LSAMP: variants seen among roughly 807,000 people sequenced by gnomAD.
The protein encoded by LSAMP is limbic system-associated membrane protein.
A neutral mutation model predicts 38.6 loss-of-function variants in LSAMP; 7 were observed. The ratio of observed to expected loss-of-function variants is 0.18; its 90% confidence interval spans 0.10 to 0.34. The LOEUF (loss-of-function observed/expected upper bound fraction) is 0.34. LSAMP is among the 10% of genes least tolerant of loss of function. The probability of loss-of-function intolerance (pLI) is 1.00; values close to 1 mark genes in which losing one functional copy is unlikely to be tolerated. For synonymous variants in LSAMP, 154 were observed against 166.8 expected (o/e 0.92, Z 0.59); for missense variants, 313 against 420.0 (o/e 0.75, Z 2.23).
chr3:116,244,566 A>G (rs2046580279), intron 1 of LSAMP, among the ~76,000 whole-genome samples: 1 of 152,134 alleles, frequency 6.6e-6, no homozygotes, highest in African/African-American at 2.4e-5. Context: ...TGCTGCAGTG[A>G]GACTAACCTA....
At chr3:116,098,269 C>T (rs1708267997) in intron 1 of LSAMP, among the ~76,000 whole-genome samples, 1 of 151,934 alleles carries the variant, frequency 6.6e-6, no homozygotes, top group African/African-American at 2.4e-5. Flanking sequence ...GAGGCCGAGG[C>T]AGGAGGATCA....
chr3:115,892,036 T>C (rs559176652), intron 3 of LSAMP, among the ~76,000 whole-genome samples: 3 of 152,092 alleles, frequency 2.0e-5, no homozygotes, highest in South Asian at 2.1e-4. Flanking sequence ...TAATATGATA[T>C]GAACATGTCT....
chr3:116,408,712 T>G (rs1232836660), intron 1 of LSAMP, among the ~76,000 whole-genome samples: 1 of 152,060 alleles, frequency 6.6e-6, no homozygotes, highest in Non-Finnish European at 1.5e-5. Context: ...AATGGCTGAG[T>G]CTATCTAACT....
In LSAMP at chr3:115,808,591, C is replaced by T. The variant is rs1246900862; in HGVS notation, c.*1726G>A. ...TTTCAGTGTTAATGTCAAGATGACT[C>T]TTATAGATGTAAATTTAAATAGAGC... On this transcript the variant is annotated 3_prime_UTR_variant, in exon 7 of 7. Coordinates refer to ENST00000490035, the MANE Select transcript of LSAMP (RefSeq NM_002338.5). 2.0e-5 allele frequency: 3 copies of T among 152,116 alleles called. No individual in the cohort carries two copies. Among genetic ancestry groups the T allele is most frequent in the Non-Finnish European group, 4.4e-5 (3 of 68,024 alleles). The allele number at this position is 152,116 out of a possible 1,614,324, so 9.4% of individuals were successfully genotyped here.
intron 1 of LSAMP, among the ~76,000 whole-genome samples, chr3:116,113,407 TATATATATA>T (rs1559747910): frequency 0.019 from 1,254 of 65,378 alleles, 34 homozygotes; most frequent in Non-Finnish European, 0.028. Context: ...GCCCTATATA[TATATATATA>T]TATATTTTTT....
intron 2 of LSAMP, among the ~76,000 whole-genome samples, chr3:116,020,973 C>A (rs1300963326): frequency 1.3e-5 from 2 of 152,110 alleles, no homozygotes; most frequent in East Asian, 3.9e-4. Flanking sequence ...AAGCAAGCAC[C>A]TGACAGCCAA....
intron 1 of LSAMP, among the ~76,000 whole-genome samples, chr3:116,398,308 G>C (rs1017300704): frequency 3.9e-5 from 6 of 152,166 alleles, no homozygotes; most frequent in African/African-American, 1.4e-4. Context: ...ACTGTGGAAA[G>C]TGAGTATTCG....
chr3:116,043,232 A>G (rs148088590), intron 2 of LSAMP, among the ~76,000 whole-genome samples: 25 of 152,208 alleles, frequency 1.6e-4, no homozygotes, highest in African/African-American at 5.5e-4. Flanking sequence ...TGCTTTTTTT[A>G]AAAACAAACT....
intron 1 of LSAMP, among the ~76,000 whole-genome samples, chr3:116,209,904 C>T (rs1359006994): frequency 1.3e-5 from 2 of 152,016 alleles, no homozygotes; most frequent in African/African-American, 4.8e-5. Context: ...GCATCCGCCA[C>T]CTCGCCCGGC....
intron 1 of LSAMP, among the ~76,000 whole-genome samples, chr3:116,177,015 C>A (rs924589398): frequency 1.3e-5 from 2 of 151,988 alleles, no homozygotes; most frequent in Middle Eastern, 6.8e-3. Context: ...TTACTTGGAA[C>A]CCAAGTTACA....
chr3:115,965,182 T>C (rs1938759087), intron 3 of LSAMP, among the ~76,000 whole-genome samples: 2 of 151,968 alleles, frequency 1.3e-5, no homozygotes, highest in African/African-American at 2.4e-5. Context: ...AAAGTATAAA[T>C]AGACATAGAA....
chr3:116,426,801 T>C (rs1405878549), intron 1 of LSAMP, among the ~76,000 whole-genome samples: 1 of 152,000 alleles, frequency 6.6e-6, no homozygotes, highest in Non-Finnish European at 1.5e-5. Flanking sequence ...GTCAACAGCA[T>C]AGTGAGGTTA....
chr3:116,259,527 G>A (rs115992538), intron 1 of LSAMP, among the ~76,000 whole-genome samples: 3,939 of 152,166 alleles, frequency 0.026, 62 homozygotes, highest in South Asian at 0.053. Flanking sequence ...ATGTGTTTGT[G>A]TCATATTTTA....
intron 6 of LSAMP, among the ~76,000 whole-genome samples, chr3:115,825,337 C>T (rs1934373349): frequency 5.9e-5 from 9 of 152,208 alleles, no homozygotes; most frequent in Admixed American, 5.9e-4. Context: ...TTCCAGAATG[C>T]TTCAATAACA....
intron 6 of LSAMP, chr3:115,841,600 A>G: frequency 2.7e-6 from 1 of 372,216 alleles, no homozygotes; most frequent in East Asian, 4.3e-5. Flanking sequence ...AAAACAAAAA[A>G]CAAAAACGAA....
At chr3:115,935,903 C>T (rs1469711303) in intron 3 of LSAMP, among the ~76,000 whole-genome samples, 1 of 152,212 alleles carries the variant, frequency 6.6e-6, no homozygotes, top group East Asian at 1.9e-4. Flanking sequence ...TTCCTTCCCA[C>T]CACACATGCT....
chr3:116,171,590 C>A (rs962440211), intron 1 of LSAMP, among the ~76,000 whole-genome samples: 1 of 151,918 alleles, frequency 6.6e-6, no homozygotes, highest in African/African-American at 2.4e-5. Context: ...AGTATTTGGG[C>A]AAATAAAAGC....
chr3:115,864,551 T>C (rs1334408434), intron 3 of LSAMP, among the ~76,000 whole-genome samples: 1 of 152,136 alleles, frequency 6.6e-6, no homozygotes, highest in African/African-American at 2.4e-5. Context: ...ACTATAAATC[T>C]TACAGGAAAG....
chr3:116,358,876 T>C (rs565079361), intron 1 of LSAMP, among the ~76,000 whole-genome samples: 1 of 152,332 alleles, frequency 6.6e-6, no homozygotes, highest in Admixed American at 6.5e-5. Context: ...GTAATTATTC[T>C]CCATCAAAAA....
Sources: gnomAD v4.1 joint callset for allele counts (sites outside exome capture counted in the v4.1 genomes callset) on GRCh38, gnomAD v4.1.1 for gene constraint, MANE v1.5 for transcripts, NCBI Gene and HGNC (gene_info 2026-07-23, HGNC 2026-07-21) for gene names.